The following CORO7 variants were observed in gnomAD, a reference collection of about 807,000 sequenced individuals.
CORO7 encodes coronin 7.
A neutral mutation model predicts 126.6 loss-of-function variants in CORO7; 107 were observed. The observed-to-expected ratio is 0.85, with a 90% CI of 0.72 to 0.99. The LOEUF is 0.99. CORO7 is among the 50% of genes least tolerant of loss of function. The pLI, the probability that CORO7 is intolerant of heterozygous loss-of-function variation, is 0.00. For missense variants in CORO7, 1,314 were observed against 1,255.8 expected, an observed-to-expected ratio of 1.05 and a Z score of -0.70; for synonymous variants, 603 against 536.8, an observed-to-expected ratio of 1.12 and a Z score of -1.70.
intron 9 of CORO7, among the ~76,000 whole-genome samples, chr16:4,386,550 C>G (rs1190523433): frequency 2.0e-5 from 3 of 152,188 alleles, no homozygotes; most frequent in African/African-American, 7.2e-5. Context: ...AGATCCTAGA[C>G]GTGGAGTCTG....
intron 6 of CORO7, among the ~76,000 whole-genome samples, chr16:4,396,888 C>T (rs1162802039): frequency 6.6e-6 from 1 of 151,542 alleles, no homozygotes; most frequent in Non-Finnish European, 1.5e-5. Flanking sequence ...TGGTGGCAGG[C>T]ACCTGTAATC....
chr16:4,385,062 G>T (rs1194562853), intron 9 of CORO7, among the ~76,000 whole-genome samples: 1 of 152,190 alleles, frequency 6.6e-6, no homozygotes, highest in Non-Finnish European at 1.5e-5. Flanking sequence ...CGGGGAAGGG[G>T]AGAACCCAGC....
intron 6 of CORO7, 100 bp from the exon 7 acceptor site, chr16:4,395,439 C>T (rs1341637277): frequency 2.6e-6 from 4 of 1,517,416 alleles, no homozygotes; most frequent in Admixed American, 1.8e-5. Flanking sequence ...CTCTGAGCAG[C>T]CCATCCCCAG....
intron 1 of CORO7, 131 bp downstream of exon 1, chr16:4,416,328 G>C (rs915775760): frequency 2.9e-5 from 37 of 1,280,718 alleles, no homozygotes; most frequent in Non-Finnish European, 3.3e-5. Flanking sequence ...GGCCTGAAGG[G>C]GGGTTCCCCG....
intron 14 of CORO7, among the ~76,000 whole-genome samples, chr16:4,363,531 C>T (rs1169038265): frequency 2.6e-5 from 4 of 151,690 alleles, no homozygotes; most frequent in Non-Finnish European, 5.9e-5. Context: ...ATGGTGAAAA[C>T]CCATCTCTAC....
chr16:4,376,559 A>T (rs1289800481), intron 9 of CORO7, among the ~76,000 whole-genome samples: 4 of 152,096 alleles, frequency 2.6e-5, no homozygotes, highest in African/African-American at 9.7e-5. Flanking sequence ...AATCAGTGAG[A>T]TGTTCTCGCC....
rs779412784 is a variant in CORO7 at position 4,359,250 on chromosome 16, G to T, written c.2340+46C>A. The T allele has an allele frequency of 5.9e-6, 9 of 1,537,774 alleles. No homozygotes were observed. In the African/African-American group the frequency reaches 8.1e-5, roughly 14 times the overall value. On this transcript the variant is annotated intron_variant, in intron 23 of 27. Transcript: ENST00000251166. ...GCCCACATGGCCACCAGGGGGCAGG[G>T]CAGCCTTGTGGTCCCATCGGGGACG...
rs1408621631 is a variant in CORO7 at position 4,358,400 on chromosome 16, C to T, written c.2424G>A (p.Leu808=). Residue 808 remains leucine, a synonymous_variant, in exon 24 of 28, where the codon CTG becomes CTA. Coordinates refer to ENST00000251166, the MANE Select transcript of CORO7 (RefSeq NM_024535.5). ...MRCLRLRQSS[L]EPVAFRLPRV... ...GGGGCAGCCGGAAGGCCACAGGCTC[C>T]AGGGAGGACTGACGCAGCCGCAGGC... is the stretch of plus-strand genomic sequence containing the variant. The T allele has an allele frequency of 1.9e-6, 3 of 1,612,610 alleles. No individual in the cohort carries two copies. Among genetic ancestry groups the T allele is most frequent in the Non-Finnish European group, 2.5e-6 (3 of 1,179,834 alleles).
chr16:4,412,036 G>A (rs1010635728), intron 3 of CORO7, among the ~76,000 whole-genome samples: 9 of 151,912 alleles, frequency 5.9e-5, no homozygotes, highest in Non-Finnish European at 1.2e-4. Flanking sequence ...AGAAGACGGA[G>A]GGCTCAGAGC....
chr16:4,381,369 C>G (rs1204183641), intron 9 of CORO7: 1 of 1,592,746 alleles, frequency 6.3e-7, no homozygotes, highest in Non-Finnish European at 8.5e-7. Context: ...GGGCACTGCC[C>G]CCGCTGCGCC....
chr16:4,395,942 C>A (rs1382686101), intron 6 of CORO7, among the ~76,000 whole-genome samples: 1 of 151,790 alleles, frequency 6.6e-6, no homozygotes, highest in East Asian at 1.9e-4. Context: ...ATAAAGCACT[C>A]ATGCTTTGTA....
rs1008073470 is a variant in CORO7, at chr16:4,362,233, G to A, written c.1403-73C>T. On this transcript the variant is annotated intron_variant, in intron 15 of 27. Coordinates refer to ENST00000251166, the MANE Select transcript of CORO7 (RefSeq NM_024535.5). The surrounding 1 kb of genome is among the most constrained non-coding windows in gnomAD (Gnocchi z 5.3). ...GCCCGCCCTGCACTCTTTGAGTCCCGGCTGCCCACTCCCCTCACCCCAGGT... is the reference window on the plus strand; with the variant it reads ...GCCCGCCCTGCACTCTTTGAGTCCCAGCTGCCCACTCCCCTCACCCCAGGT... The A allele has an allele frequency of 7.4e-5, 113 of 1,520,570 alleles. 1 individual carries two copies. In the East Asian group the frequency reaches 2.2e-3, roughly 29 times the overall value. 94.2% of individuals were successfully genotyped at this position (1,520,570 alleles called of 1,614,324 possible). A position where few individuals can be genotyped will look rare whatever the true frequency, so the allele number is the denominator to read the frequency against.
chr16:4,388,776 G>T, intron 7 of CORO7, 145 bp from the exon 8 acceptor site: 1 of 876,598 alleles, frequency 1.1e-6, no homozygotes, highest in Non-Finnish European at 1.7e-6. Flanking sequence ...CCTTCTCCAC[G>T]TCCCCACTGG....
intron 26 of CORO7, chr16:4,356,838 G>T: frequency 3.0e-6 from 1 of 338,544 alleles, no homozygotes; most frequent in Non-Finnish European, 5.5e-6. Context: ...GCTGCGGCAT[G>T]TGGCACCAGA....
At chr16:4,369,675 G>A (rs1177120468) in intron 9 of CORO7, among the ~76,000 whole-genome samples, 1 of 152,188 alleles carries the variant, frequency 6.6e-6, no homozygotes, top group South Asian at 2.1e-4. Context: ...GCTACAAGGA[G>A]CAGCTGCAAG....
rs191026709 is a variant in CORO7, at chr16:4,406,041, C to T, written c.488-474G>A. Among the ~76,000 whole-genome samples the T allele has an allele frequency of 5.6e-4, 85 of 152,346 alleles. 1 individual carries two copies. The East Asian group carries it at 0.013, about 23-fold the overall frequency. The stretch of plus-strand genomic sequence containing the variant: ...ACTTTTCGGAGGCTTGCTCTGTCAC[C>T]CAGGCTGGAGTGCAGTGGTGCAATC... On this transcript the variant is annotated intron_variant, in intron 5 of 27. Coordinates refer to ENST00000251166, the MANE Select transcript of CORO7 (RefSeq NM_024535.5).
intron 9 of CORO7, among the ~76,000 whole-genome samples, chr16:4,366,019 C>T (rs1051530191): frequency 3.9e-5 from 6 of 152,212 alleles, no homozygotes; most frequent in South Asian, 4.1e-4. Flanking sequence ...CGTTCCGAAT[C>T]TGCACTAAGG....
rs907403170 is a variant in CORO7, at chr16:4,360,220, G to A, written c.2108+58C>T. On this transcript the variant is annotated intron_variant, in intron 21 of 27. Coordinates refer to ENST00000251166, the MANE Select transcript of CORO7 (RefSeq NM_024535.5). ...AGCCTGACAAATGTATGTGACTGTG[G>A]AGAAGGGGGACACAGGTGGCTTCTG... 26 of 1,607,756 alleles carry A rather than the reference G, an allele frequency of 1.6e-5. No homozygotes were observed. In the Admixed American group the frequency reaches 2.0e-4, roughly 12 times the overall value.
intron 9 of CORO7, chr16:4,371,809 C>T (rs2054535578): frequency 6.6e-6 from 1 of 152,106 alleles, no homozygotes; most frequent in South Asian, 2.1e-4. Flanking sequence ...CGGGCCCGCC[C>T]CCCGGGACTC....
Sources: allele counts gnomAD v4.1 joint callset (sites outside exome capture counted in the v4.1 genomes callset), GRCh38; gene constraint gnomAD v4.1.1; non-coding constraint Gnocchi (gnomAD v3.1); transcripts MANE v1.5; gene names NCBI Gene and HGNC (gene_info 2026-07-23, HGNC 2026-07-21).